Variants in SLC8A1 observed in about 807,000 individuals in gnomAD.
SLC8A1 encodes the protein solute carrier family 8 member A1.
A neutral mutation model predicts 68.3 loss-of-function variants in SLC8A1; 18 were observed. That is an observed-to-expected ratio of 0.26 (90% CI 0.18 to 0.39). The LOEUF (loss-of-function observed/expected upper bound fraction) is 0.39, where lower values mean the gene tolerates loss of function less well. Among genes scored for constraint, SLC8A1 ranks in the 10% least tolerant of loss-of-function variants. The pLI is 1.00. For synonymous variants in SLC8A1, 475 were observed against 415.5 expected (o/e 1.14, Z -1.74); for missense variants, 985 against 1,156.7 (o/e 0.85, Z 2.15).
chr2:40,373,404 C>T (rs1165556139), intron 2 of SLC8A1, among the ~76,000 whole-genome samples: 1 of 152,026 alleles, frequency 6.6e-6, no homozygotes, highest in Non-Finnish European at 1.5e-5. Flanking sequence ...AATTTACAGC[C>T]TATAATTCAA....
At chr2:40,367,687 G>A (rs1450426091) in intron 2 of SLC8A1, among the ~76,000 whole-genome samples, 1 of 151,860 alleles carries the variant, frequency 6.6e-6, no homozygotes, top group Non-Finnish European at 1.5e-5. Flanking sequence ...TGAACATGTG[G>A]GTCCAAAATG....
At position 40,314,549 on chromosome 2, in the gene SLC8A1, G is replaced by T. The variant is rs534213520; in HGVS notation, c.1808+113924C>A. On this transcript the variant is annotated intron_variant, in intron 2 of 7. Transcript: ENST00000406785. Reference sequence around the variant, plus strand: ...TTACACCAAAAAAAAAATGCTTATTGGGATTTTCACTGGAATTACATTGAA... The same window carrying T: ...TTACACCAAAAAAAAAATGCTTATTTGGATTTTCACTGGAATTACATTGAA... Among the ~76,000 whole-genome samples the T allele has an allele frequency of 1.4e-4, 22 of 151,822 alleles. No individual in the cohort carries two copies. The South Asian group carries it at 4.6e-3, about 32-fold the overall frequency.
intron 4 of SLC8A1, 52 bp downstream of exon 5, chr2:40,174,773 G>C: frequency 1.3e-6 from 2 of 1,588,502 alleles, no homozygotes; most frequent in South Asian, 1.1e-5. Flanking sequence ...AATAACATCT[G>C]GTGAGAACAG....
At chr2:40,200,855 A>G (rs886310013) in intron 2 of SLC8A1, among the ~76,000 whole-genome samples, 1 of 151,934 alleles carries the variant, frequency 6.6e-6, no homozygotes, top group African/African-American at 2.4e-5. Flanking sequence ...TTTATATTGT[A>G]GAAAACAACC....
chr2:40,437,484 G>A (rs1275323393), intron 1 of SLC8A1, among the ~76,000 whole-genome samples: 1 of 152,124 alleles, frequency 6.6e-6, no homozygotes, highest in Non-Finnish European at 1.5e-5. Flanking sequence ...CCAAACTCAT[G>A]TAGTAAACTC....
intron 2 of SLC8A1, among the ~76,000 whole-genome samples, chr2:40,336,506 A>C (rs934119298): frequency 6.6e-6 from 1 of 152,174 alleles, no homozygotes; most frequent in Non-Finnish European, 1.5e-5. Flanking sequence ...AGAGTTCCAG[A>C]TAAATCTTAT....
chr2:40,353,207 C>T (rs1373336213), intron 2 of SLC8A1, among the ~76,000 whole-genome samples: 1 of 152,168 alleles, frequency 6.6e-6, no homozygotes, highest in Non-Finnish European at 1.5e-5. Flanking sequence ...CATTCTCCTG[C>T]CTGCTCAAAT....
intron 2 of SLC8A1, among the ~76,000 whole-genome samples, chr2:40,221,999 C>G (rs1016618471): frequency 2.6e-5 from 4 of 152,104 alleles, no homozygotes; most frequent in Non-Finnish European, 4.4e-5. Flanking sequence ...TGACTTTCAT[C>G]ACAGAATTAG....
chr2:40,200,805 T>C (rs1031705094), intron 2 of SLC8A1, among the ~76,000 whole-genome samples: 3 of 151,926 alleles, frequency 2.0e-5, no homozygotes, highest in Non-Finnish European at 4.4e-5. Flanking sequence ...ATTGACTTCA[T>C]GCTTCTTATT....
At position 40,315,744 on chromosome 2, in the gene SLC8A1, G is replaced by A. The variant is rs116504332; in HGVS notation, c.1808+112729C>T. ...GTAGCTAAAGTGCAATCATCTTGGAGACTTATTTTCCAGTAACATGTCCCA... is the reference window on the plus strand; with the variant it reads ...GTAGCTAAAGTGCAATCATCTTGGAAACTTATTTTCCAGTAACATGTCCCA... On this transcript the variant is annotated intron_variant, in intron 2 of 7. Transcript: ENST00000406785. Among the ~76,000 whole-genome samples the A allele has an allele frequency of 7.4e-4, 113 of 152,068 alleles. 1 individual carries two copies. The highest frequency in any genetic ancestry group is 2.7e-3 in the African/African-American group (112 of 41,520).
intron 2 of SLC8A1, among the ~76,000 whole-genome samples, chr2:40,332,433 G>A (rs1184423695): frequency 1.4e-5 from 2 of 146,598 alleles, no homozygotes; most frequent in Non-Finnish European, 3.0e-5. Context: ...GGGGGAGGAC[G>A]GGGGCGGGGG....
intron 1 of SLC8A1, among the ~76,000 whole-genome samples, chr2:40,493,307 G>T (rs889316782): frequency 1.5e-5 from 2 of 133,916 alleles, no homozygotes; most frequent in Admixed American, 8.2e-5. Context: ...AGAACACATG[G>T]ACACAGGAAG....
chr2:40,432,073 T>C (rs543354757), intron 1 of SLC8A1, among the ~76,000 whole-genome samples: 1 of 152,226 alleles, frequency 6.6e-6, no homozygotes, highest in Admixed American at 6.5e-5. Flanking sequence ...TGTCTGCTTG[T>C]TCAGTCTTTG....
chr2:40,394,924 G>A (rs1040006936), intron 2 of SLC8A1, among the ~76,000 whole-genome samples: 1 of 152,100 alleles, frequency 6.6e-6, no homozygotes, highest in African/African-American at 2.4e-5. Flanking sequence ...GAGGAAATGA[G>A]ACACTGAAGT....
At chr2:40,421,877 G>A (rs963506568) in intron 2 of SLC8A1, among the ~76,000 whole-genome samples, 1 of 152,188 alleles carries the variant, frequency 6.6e-6, no homozygotes, top group African/African-American at 2.4e-5. Context: ...AAATACATGG[G>A]TATTATGTAG....
intron 7 of SLC8A1, among the ~76,000 whole-genome samples, chr2:40,130,890 A>G (rs770207731): frequency 1.3e-5 from 2 of 152,226 alleles, no homozygotes; most frequent in Non-Finnish European, 2.9e-5. Flanking sequence ...GGATATGTCC[A>G]CCTCACTAGA....
At chr2:40,354,473 G>A (rs1672078596) in intron 2 of SLC8A1, among the ~76,000 whole-genome samples, 1 of 152,096 alleles carries the variant, frequency 6.6e-6, no homozygotes. Flanking sequence ...AATGGGGGTG[G>A]TTGTGGCATT....
chr2:40,222,196 G>C (rs141477135), intron 2 of SLC8A1, among the ~76,000 whole-genome samples: 2,546 of 152,074 alleles, frequency 0.017, 80 homozygotes, highest in African/African-American at 0.058. Context: ...CAGTGGAACA[G>C]AACAGAGGCC....
chr2:40,284,346 AATAT>A (rs997807511), intron 2 of SLC8A1, among the ~76,000 whole-genome samples: 75 of 137,576 alleles, frequency 5.5e-4, no homozygotes, highest in African/African-American at 8.4e-4. Flanking sequence ...TCTCTATATA[AATAT>A]ATATAGATAT....
Sources: gnomAD v4.1 joint callset for allele counts (sites outside exome capture counted in the v4.1 genomes callset) on GRCh38, gnomAD v4.1.1 for gene constraint, MANE v1.5 for transcripts, NCBI Gene and HGNC (gene_info 2026-07-23, HGNC 2026-07-21) for gene names.